BANK1: variants seen among roughly 807,000 people sequenced by gnomAD.
The protein encoded by BANK1 is B-cell scaffold protein with ankyrin repeats.
A neutral mutation model predicts 94.5 loss-of-function variants in BANK1; 95 were observed. The ratio of observed to expected loss-of-function variants is 1.00; its 90% confidence interval spans 0.85 to 1.19. BANK1 has a LOEUF of 1.19. BANK1 is among the 50% of genes most tolerant of loss of function. The pLI is 0.00. For missense variants in BANK1, 987 were observed against 932.2 expected (o/e 1.06, Z -0.77); for synonymous variants, 334 against 308.4 (o/e 1.08, Z -0.87).
chr4:101,978,284 A>G (rs1347868284), intron 7 of BANK1, among the ~76,000 whole-genome samples: 2 of 152,122 alleles, frequency 1.3e-5, no homozygotes, highest in African/African-American at 4.8e-5. Flanking sequence ...AAGATCATAC[A>G]ACTCAACCTG....
chr4:102,045,219 G>T (rs1727839379), intron 11 of BANK1, among the ~76,000 whole-genome samples: 2 of 152,072 alleles, frequency 1.3e-5, no homozygotes, highest in South Asian at 4.1e-4. Context: ...TGCAGAAAAA[G>T]CCTTTGACAA....
At chr4:101,910,779 A>AT (rs985744594) in intron 6 of BANK1, among the ~76,000 whole-genome samples, 1 of 151,424 alleles carries the variant, frequency 6.6e-6, no homozygotes. Flanking sequence ...TTCCCATACC[A>AT]TTTTTTTAAA....
chr4:101,979,395 T>C (rs765378690), intron 7 of BANK1, among the ~76,000 whole-genome samples: 5 of 151,932 alleles, frequency 3.3e-5, no homozygotes, highest in Admixed American at 2.0e-4. Context: ...AACAACCTGT[T>C]ATTGTTCTGA....
At chr4:101,878,057 A>G (rs1359430726) in intron 5 of BANK1, among the ~76,000 whole-genome samples, 2 of 152,154 alleles carry the variant, frequency 1.3e-5, no homozygotes, top group Non-Finnish European at 1.5e-5. Flanking sequence ...AGGCCACAAA[A>G]CAACCAAAAA....
At chr4:101,870,666 G>A in intron 5 of BANK1, 22 bp downstream of exon 5, 1 of 1,603,482 alleles carries the variant, frequency 6.2e-7, no homozygotes, top group South Asian at 1.1e-5. Flanking sequence ...TTTCCACGAA[G>A]TTAATCATAA....
chr4:102,064,176 T>C (rs1728515835), intron 13 of BANK1, among the ~76,000 whole-genome samples: 2 of 152,192 alleles, frequency 1.3e-5, no homozygotes, highest in African/African-American at 4.8e-5. Context: ...TAATATTGCA[T>C]AGCTTTTAGC....
chr4:101,827,675 T>C (rs1308241783), intron 1 of BANK1, among the ~76,000 whole-genome samples: 1 of 151,984 alleles, frequency 6.6e-6, no homozygotes, highest in Non-Finnish European at 1.5e-5. Context: ...TTGGTTCTGC[T>C]ATTTTTTGGC....
At chr4:101,873,995 A>C (rs1728397169) in intron 5 of BANK1, among the ~76,000 whole-genome samples, 1 of 152,212 alleles carries the variant, frequency 6.6e-6, no homozygotes, top group Non-Finnish European at 1.5e-5. Context: ...TATTAATTTA[A>C]GTAGTAGGAT....
At chr4:101,882,253 AAGAT>A (rs1728705723) in intron 5 of BANK1, among the ~76,000 whole-genome samples, 1 of 152,152 alleles carries the variant, frequency 6.6e-6, no homozygotes, top group Admixed American at 6.5e-5. Context: ...AAAACAAAAA[AAGAT>A]AGAAAGTGAA....
At chr4:102,037,442 C>G (rs1299908110) in intron 10 of BANK1, among the ~76,000 whole-genome samples, 1 of 152,214 alleles carries the variant, frequency 6.6e-6, no homozygotes, top group Non-Finnish European at 1.5e-5. Context: ...CAACTACTGT[C>G]TTTTTAGTCA....
intron 7 of BANK1, among the ~76,000 whole-genome samples, chr4:101,956,802 T>C (rs2631248): frequency 0.33 from 50,845 of 151,826 alleles, 9,627 homozygotes; most frequent in Non-Finnish European, 0.43. Context: ...TTGTTTTTTC[T>C]CCTCTTAGGC....
At chr4:101,813,871 G>C (rs188114588) in intron 1 of BANK1, 3 of 985,408 alleles carry the variant, frequency 3.0e-6, no homozygotes, top group East Asian at 2.3e-4. Flanking sequence ...GGAAGAGGGT[G>C]GGGGACTACT....
At chr4:101,848,165 C>T (rs1727329318) in intron 2 of BANK1, among the ~76,000 whole-genome samples, 1 of 152,134 alleles carries the variant, frequency 6.6e-6, no homozygotes, top group African/African-American at 2.4e-5. Flanking sequence ...AGAGGAGGGT[C>T]TCTCTTTCCC....
chr4:101,857,860 GCA>G (rs927657213), intron 3 of BANK1, among the ~76,000 whole-genome samples: 3 of 151,914 alleles, frequency 2.0e-5, no homozygotes, highest in African/African-American at 7.3e-5. Flanking sequence ...TATAAGACTG[GCA>G]CACTTTTTCT....
chr4:102,069,325 G>A (rs1728685955), intron 13 of BANK1, among the ~76,000 whole-genome samples: 1 of 152,184 alleles, frequency 6.6e-6, no homozygotes, highest in South Asian at 2.1e-4. Flanking sequence ...AGCACATCTA[G>A]TACCCACGTC....
chr4:101,925,511 A>G (rs563842940), intron 7 of BANK1, among the ~76,000 whole-genome samples: 1 of 151,912 alleles, frequency 6.6e-6, no homozygotes, highest in South Asian at 2.1e-4. Flanking sequence ...AGAGGGAAAT[A>G]ATATACATGT....
chr4:101,987,993 A>G (rs1578438812), intron 7 of BANK1, among the ~76,000 whole-genome samples: 1 of 152,172 alleles, frequency 6.6e-6, no homozygotes, highest in Non-Finnish European at 1.5e-5. Flanking sequence ...CTAAAGCCTG[A>G]GTCCCAGAAT....
chr4:101,872,903 G>T (rs1221359163), intron 5 of BANK1, among the ~76,000 whole-genome samples: 3 of 151,572 alleles, frequency 2.0e-5, no homozygotes, highest in Non-Finnish European at 2.9e-5. Context: ...CAAGAGAATC[G>T]CTTGAACCCG....
rs533513710 is a variant in BANK1 at position 102,002,595 on chromosome 4, A to G, written c.1207-18919A>G. On this transcript the variant is annotated intron_variant, in intron 7 of 16. Transcript: ENST00000322953. ...CACACACACACACACACACATATATATATACCTACTCATATACAAAAAGAT... is the reference window on the plus strand; with the variant it reads ...CACACACACACACACACACATATATGTATACCTACTCATATACAAAAAGAT... Among the ~76,000 whole-genome samples the G allele has an allele frequency of 3.9e-5, 6 of 151,936 alleles. 1 individual carries two copies. The highest frequency in any genetic ancestry group is 3.9e-4 in the Admixed American group (6 of 15,246).
Sources: gnomAD v4.1 joint callset for allele counts (sites outside exome capture counted in the v4.1 genomes callset) on GRCh38, gnomAD v4.1.1 for gene constraint, MANE v1.5 for transcripts, NCBI Gene and HGNC (gene_info 2026-07-23, HGNC 2026-07-21) for gene names.